Variants in KSR2 observed in about 807,000 individuals in gnomAD.
KSR2 encodes the protein kinase suppressor of ras 2.
In KSR2, 25 loss-of-function variants were observed where a neutral mutation model predicts 107.8. The observed-to-expected ratio is 0.23, with a 90% CI of 0.17 to 0.32. KSR2 has a LOEUF of 0.32. Ranked by LOEUF, KSR2 falls within the 10% of genes least tolerant of loss-of-function variation. The pLI is 1.00. For missense variants in KSR2, 887 were observed against 1,268.9 expected (o/e 0.70, Z 4.57); for synonymous variants, 480 against 507.0 (o/e 0.95, Z 0.71).
chr12:117,908,497 T>C (rs1410652922), intron 1 of KSR2, among the ~76,000 whole-genome samples: 1 of 152,184 alleles, frequency 6.6e-6, no homozygotes, highest in Non-Finnish European at 1.5e-5. Context: ...CCGGAGAATG[T>C]CCACAGCTTA....
chr12:117,469,398 C>T (rs1871307692), intron 19 of KSR2, among the ~76,000 whole-genome samples: 1 of 152,106 alleles, frequency 6.6e-6, no homozygotes, highest in African/African-American at 2.4e-5. Context: ...CTCATCGGGG[C>T]ATCAATCTTC....
intron 3 of KSR2, among the ~76,000 whole-genome samples, chr12:117,835,316 T>C (rs1892157696): frequency 1.3e-5 from 2 of 152,174 alleles, no homozygotes; most frequent in Non-Finnish European, 2.9e-5. Context: ...TGTATGTGTG[T>C]GCATGGCGAG....
chr12:117,887,057 G>A (rs1894198580), intron 1 of KSR2, among the ~76,000 whole-genome samples: 1 of 151,932 alleles, frequency 6.6e-6, no homozygotes, highest in South Asian at 2.1e-4. Context: ...CCCAGTAGTT[G>A]GGACTACGGG....
chr12:117,493,811 C>T (rs1357271598), intron 14 of KSR2, among the ~76,000 whole-genome samples: 1 of 152,068 alleles, frequency 6.6e-6, no homozygotes, highest in Non-Finnish European at 1.5e-5. Context: ...TGAGTCTTTC[C>T]TGTGCTATTC....
rs556028264 is a variant in KSR2, at chr12:117,672,786, G to A, written c.987-5128C>T. 5.9e-5 allele frequency among the ~76,000 whole-genome samples: 9 copies of A among 152,240 alleles called. No homozygotes were observed. The South Asian group carries it at 8.3e-4, about 14-fold the overall frequency. Reference sequence around the variant, plus strand: ...ACTATGGGCGTGTGCCACCATGCCCGGCTAATTTTTGTGTTTTTAATAGAG... The same window carrying A: ...ACTATGGGCGTGTGCCACCATGCCCAGCTAATTTTTGTGTTTTTAATAGAG... On this transcript the variant is annotated intron_variant, in intron 4 of 19. Coordinates refer to ENST00000339824, the MANE Select transcript of KSR2 (RefSeq NM_173598.6).
chr12:117,934,662 G>A (rs868360067), intron 1 of KSR2, among the ~76,000 whole-genome samples: 8 of 152,140 alleles, frequency 5.3e-5, no homozygotes, highest in Admixed American at 5.2e-4. Flanking sequence ...AAGGGGCTCA[G>A]ATGAATACAA....
intron 5 of KSR2, among the ~76,000 whole-genome samples, chr12:117,606,390 TCCC>T (rs1210359958): frequency 1.4e-5 from 1 of 72,952 alleles, no homozygotes; most frequent in Admixed American, 1.4e-4. Flanking sequence ...CCCTCCTTCC[TCCC>T]TCCCTCCTCT....
chr12:117,498,714 G>A (rs1873189615), intron 14 of KSR2, among the ~76,000 whole-genome samples: 1 of 152,140 alleles, frequency 6.6e-6, no homozygotes, highest in Non-Finnish European at 1.5e-5. Flanking sequence ...CATGGGGACA[G>A]GCCTTTCCTG....
intron 9 of KSR2, among the ~76,000 whole-genome samples, chr12:117,541,954 C>T (rs1393205560): frequency 6.6e-6 from 1 of 152,044 alleles, no homozygotes; most frequent in East Asian, 1.9e-4. Context: ...GGCACAATCA[C>T]GGCTCACTGT....
chr12:117,519,810 G>T (rs893031049), intron 14 of KSR2, among the ~76,000 whole-genome samples: 1 of 152,030 alleles, frequency 6.6e-6, no homozygotes, highest in South Asian at 2.1e-4. Flanking sequence ...GTGTGTGTGT[G>T]CATGGTTGTG....
chr12:117,731,577 G>C (rs1029153742), intron 4 of KSR2, among the ~76,000 whole-genome samples: 2 of 152,190 alleles, frequency 1.3e-5, no homozygotes, highest in East Asian at 1.9e-4. Context: ...TAACGATGGC[G>C]GTTTTGTCGA....
At chr12:117,911,700 TATCTCTTCCC>T (rs1490141931) in intron 1 of KSR2, among the ~76,000 whole-genome samples, 2 of 152,204 alleles carry the variant, frequency 1.3e-5, no homozygotes, top group African/African-American at 2.4e-5. Context: ...GCAAGACCCA[TATCTCTTCCC>T]ATCTCTTTTA....
At chr12:117,502,971 G>A (rs16947652) in intron 14 of KSR2, among the ~76,000 whole-genome samples, 5,560 of 152,138 alleles carry the variant, frequency 0.037, 334 homozygotes, top group African/African-American at 0.13. Context: ...ATATTGGGGC[G>A]GACACTGAGA....
intron 1 of KSR2, among the ~76,000 whole-genome samples, chr12:117,894,953 G>T (rs576139815): frequency 3.3e-5 from 5 of 151,824 alleles, no homozygotes; most frequent in Non-Finnish European, 7.4e-5. Context: ...AATATCCCGG[G>T]CTTCGTGGAG....
intron 7 of KSR2, among the ~76,000 whole-genome samples, chr12:117,572,786 C>T (rs544316350): frequency 1.3e-5 from 2 of 151,852 alleles, no homozygotes; most frequent in African/African-American, 4.8e-5. Flanking sequence ...ACCCAAATCA[C>T]GTTGTGCATT....
intron 5 of KSR2, among the ~76,000 whole-genome samples, chr12:117,642,706 T>TA (rs1187330275): frequency 6.6e-6 from 1 of 152,230 alleles, no homozygotes; most frequent in Non-Finnish European, 1.5e-5. Context: ...TAATCAATGA[T>TA]ATGCTGATCT....
At chr12:117,948,126 C>T (rs747436593) in intron 1 of KSR2, among the ~76,000 whole-genome samples, 98 of 151,992 alleles carry the variant, frequency 6.4e-4, no homozygotes, top group Non-Finnish European at 8.2e-4. Context: ...TTTTTTCTTT[C>T]CTTACCTAGA....
chr12:117,523,673 T>C (rs1565882833), intron 14 of KSR2, among the ~76,000 whole-genome samples: 1 of 152,184 alleles, frequency 6.6e-6, no homozygotes, highest in Non-Finnish European at 1.5e-5. Flanking sequence ...GCAACTTTCA[T>C]GAAAACCAGA....
chr12:117,540,078 G>C (rs1327108781), intron 9 of KSR2, among the ~76,000 whole-genome samples, 191 bp from the exon 10 acceptor site: 1 of 152,092 alleles, frequency 6.6e-6, no homozygotes, highest in Admixed American at 6.5e-5. Flanking sequence ...GCTGTGGAAG[G>C]AACAGCCTCT....
Sources: allele counts gnomAD v4.1 joint callset (sites outside exome capture counted in the v4.1 genomes callset), GRCh38; gene constraint gnomAD v4.1.1; transcripts MANE v1.5; gene names NCBI Gene and HGNC (gene_info 2026-07-23, HGNC 2026-07-21).